RAB7A: variants seen among roughly 807,000 people sequenced by gnomAD.
The protein encoded by RAB7A is RAB7A, member RAS oncogene family, also known as ras-related protein Rab-7a.
RAB7A carries 2 observed loss-of-function variants against 24.5 expected under a neutral mutation model. The ratio of observed to expected loss-of-function variants is 0.08; its 90% CI spans 0.03 to 0.26. The LOEUF (loss-of-function observed/expected upper bound fraction) is 0.26. RAB7A is among the 10% of genes least tolerant of loss of function. The probability of loss-of-function intolerance (pLI) is 1.00; values close to 1 mark genes in which losing one functional copy is unlikely to be tolerated. For missense variants in RAB7A, 118 were observed against 255.7 expected (o/e 0.46, Z 3.67); for synonymous variants, 100 against 95.9 (o/e 1.04, Z -0.25).
intron 1 of RAB7A, among the ~76,000 whole-genome samples, chr3:128,775,405 G>A (rs951054533): frequency 2.0e-5 from 3 of 152,202 alleles, no homozygotes; most frequent in African/African-American, 7.2e-5. Flanking sequence ...TTCACCTGGT[G>A]TAACATCCCT....
At chr3:128,793,345 G>A (rs1250061118) in intron 1 of RAB7A, among the ~76,000 whole-genome samples, 1 of 152,056 alleles carries the variant, frequency 6.6e-6, no homozygotes, top group African/African-American at 2.4e-5. Flanking sequence ...AGTAGAGACA[G>A]GGTTTCATCA....
chr3:128,784,798 C>T (rs1312403898), intron 1 of RAB7A, among the ~76,000 whole-genome samples: 1 of 152,170 alleles, frequency 6.6e-6, no homozygotes, highest in Non-Finnish European at 1.5e-5. Context: ...GTCTTGATCA[C>T]AGTAGTATTT....
chr3:128,741,930 TC>T (rs1242514076), intron 1 of RAB7A, among the ~76,000 whole-genome samples: 1 of 152,056 alleles, frequency 6.6e-6, no homozygotes, highest in African/African-American at 2.4e-5. Context: ...CAGGCGATCC[TC>T]CCACCTCAGC....
intron 1 of RAB7A, among the ~76,000 whole-genome samples, chr3:128,739,851 C>G (rs1207986144): frequency 6.6e-6 from 1 of 152,136 alleles, no homozygotes; most frequent in Non-Finnish European, 1.5e-5. Context: ...GGGTGGATCA[C>G]TTGAGGTCAG....
intron 3 of RAB7A, among the ~76,000 whole-genome samples, chr3:128,802,754 G>A (rs1933726149): frequency 6.6e-6 from 1 of 151,514 alleles, no homozygotes; most frequent in Non-Finnish European, 1.5e-5. Flanking sequence ...TGATCTGGCC[G>A]CCTCAGCCTC....
chr3:128,734,870 C>G (rs989726603), intron 1 of RAB7A, among the ~76,000 whole-genome samples: 1 of 152,152 alleles, frequency 6.6e-6, no homozygotes, highest in African/African-American at 2.4e-5. Flanking sequence ...GCCTGTCTTC[C>G]AACTCTAAGC....
intron 1 of RAB7A, among the ~76,000 whole-genome samples, chr3:128,740,696 G>C (rs2070543514): frequency 6.6e-6 from 1 of 150,444 alleles, no homozygotes; most frequent in Non-Finnish European, 1.5e-5. Context: ...AGGAGTTCAA[G>C]ACCAGCCTAG....
chr3:128,757,952 C>T (rs1382755932), intron 1 of RAB7A, among the ~76,000 whole-genome samples: 1 of 151,938 alleles, frequency 6.6e-6, no homozygotes, highest in Non-Finnish European at 1.5e-5. Context: ...AGCCACTGCG[C>T]CCAGCCTATT....
At chr3:128,762,158 A>G (rs2070780427) in intron 1 of RAB7A, among the ~76,000 whole-genome samples, 1 of 152,214 alleles carries the variant, frequency 6.6e-6, no homozygotes, top group African/African-American at 2.4e-5. Context: ...ACTTTGTGCT[A>G]ATAAATTTGA....
At chr3:128,809,456 T>A (rs1933871788) in intron 5 of RAB7A, among the ~76,000 whole-genome samples, 1 of 152,238 alleles carries the variant, frequency 6.6e-6, no homozygotes, top group Non-Finnish European at 1.5e-5. Context: ...TTTTCTCTGC[T>A]GCACACAGCC....
At chr3:128,779,870 G>C (rs1333265791) in intron 1 of RAB7A, among the ~76,000 whole-genome samples, 1 of 152,198 alleles carries the variant, frequency 6.6e-6, no homozygotes, top group Non-Finnish European at 1.5e-5. Context: ...CTGAGAAAGA[G>C]GTTTAATCAT....
At chr3:128,761,952 T>C (rs868174252) in intron 1 of RAB7A, among the ~76,000 whole-genome samples, 18 of 152,248 alleles carry the variant, frequency 1.2e-4, no homozygotes, top group African/African-American at 4.1e-4. Flanking sequence ...GTGGAGCCTT[T>C]ACATTTCCTC....
chr3:128,741,723 C>T (rs1342746941), intron 1 of RAB7A, among the ~76,000 whole-genome samples: 1 of 152,018 alleles, frequency 6.6e-6, no homozygotes, highest in Non-Finnish European at 1.5e-5. Context: ...CATTCTTTGT[C>T]TGTGGGACAG....
In RAB7A at chr3:128,760,012, G is replaced by A. The variant is rs148913685; in HGVS notation, c.-9+33653G>A. On this transcript the variant is annotated intron_variant, in intron 1 of 5. Transcript: ENST00000265062. Reference sequence around the variant, plus strand: ...GGCGTGAACCACCATGCCCAGCCTCGATGATGACTTATGAGTCAATTTGAC... The same window carrying A: ...GGCGTGAACCACCATGCCCAGCCTCAATGATGACTTATGAGTCAATTTGAC... 1.1e-4 allele frequency among the ~76,000 whole-genome samples: 16 copies of A among 152,180 alleles called. No homozygotes were observed. The South Asian group carries it at 3.1e-3, about 30-fold the overall frequency.
At chr3:128,781,975 TGCACTCCA>T (rs1331881248) in intron 1 of RAB7A, among the ~76,000 whole-genome samples, 22 of 152,082 alleles carry the variant, frequency 1.4e-4, no homozygotes, top group African/African-American at 5.1e-4. Flanking sequence ...ATCGCGCCAC[TGCACTCCA>T]GCCTGGGCGA....
At chr3:128,765,757 CTTTTTT>C (rs57347555) in intron 1 of RAB7A, among the ~76,000 whole-genome samples, 75 of 134,150 alleles carry the variant, frequency 5.6e-4, no homozygotes, top group African/African-American at 1.7e-3. Context: ...TCTACCTCTA[CTTTTTT>C]TTTTTTTTTT....
rs145909368 is a variant in RAB7A at position 128,763,936 on chromosome 3, A to G, written c.-8-31424A>G. Among the ~76,000 whole-genome samples the G allele has an allele frequency of 2.3e-4, 29 of 128,684 alleles. No homozygotes were observed. In the East Asian group the frequency reaches 5.2e-3, roughly 23 times the overall value. The allele number at this position is 128,684 out of a possible 152,430, so 84.4% of individuals were successfully genotyped here. A position where few individuals can be genotyped will look rare whatever the true frequency, so the allele number is the denominator to read the frequency against. Reference sequence around the variant, plus strand: ...AAGACAGGATACATTGTTTTCCTCTACCTACTTATTTTCAGAGTGAGGAGT... The same window carrying G: ...AAGACAGGATACATTGTTTTCCTCTGCCTACTTATTTTCAGAGTGAGGAGT... On this transcript the variant is annotated intron_variant, in intron 1 of 5. Coordinates refer to ENST00000265062, the MANE Select transcript of RAB7A (RefSeq NM_004637.6).
intron 1 of RAB7A, among the ~76,000 whole-genome samples, chr3:128,744,125 A>G (rs1210047416): frequency 6.6e-6 from 1 of 151,876 alleles, no homozygotes; most frequent in East Asian, 1.9e-4. Context: ...AAATTGGCAC[A>G]TGCCTGTAGT....
intron 1 of RAB7A, among the ~76,000 whole-genome samples, chr3:128,775,715 C>T (rs1413133209): frequency 6.6e-6 from 1 of 152,050 alleles, no homozygotes; most frequent in African/African-American, 2.4e-5. Flanking sequence ...TAAATCTAGC[C>T]CCATGAAATG....
Sources: gnomAD v4.1 joint callset for allele counts (sites outside exome capture counted in the v4.1 genomes callset) on GRCh38, gnomAD v4.1.1 for gene constraint, MANE v1.5 for transcripts, NCBI Gene and HGNC (gene_info 2026-07-23, HGNC 2026-07-21) for gene names.